The following TRMO variants were observed in gnomAD, a reference collection of about 807,000 sequenced individuals.
The protein encoded by TRMO is tRNA methyltransferase O.
In TRMO, 30 loss-of-function variants were observed where a neutral mutation model predicts 37.2. That is an observed-to-expected ratio of 0.81 (90% CI 0.60 to 1.09). The LOEUF (loss-of-function observed/expected upper bound fraction) is 1.09, where lower values mean the gene tolerates loss of function less well. Among genes scored for constraint, TRMO ranks in the 50% least tolerant of loss-of-function variants. TRMO has a pLI of 0.00. For missense variants in TRMO, 552 were observed against 549.5 expected (o/e 1.00, Z -0.05); for synonymous variants, 239 against 199.4 (o/e 1.20, Z -1.67).
At chr9:97,922,383 C>G (rs746950691) in intron 1 of TRMO, 35 bp downstream of exon 1, 1 of 1,444,914 alleles carries the variant, frequency 6.9e-7, no homozygotes, top group South Asian at 1.2e-5. Flanking sequence ...GCCTAAACCT[C>G]TCCAGAGTGT....
the TRMO span, among the ~76,000 whole-genome samples, chr9:97,896,903 A>G: frequency 6.6e-6 from 1 of 152,214 alleles, no homozygotes; most frequent in African/African-American, 2.4e-5. Context: ...TATAAAAATA[A>G]TGCATGCTTG....
chr9:97,897,367 G>GT, the TRMO span, among the ~76,000 whole-genome samples: 1 of 152,208 alleles, frequency 6.6e-6, no homozygotes, highest in Non-Finnish European at 1.5e-5. Context: ...CAGATTGTGA[G>GT]TATGTTCAGC....
chr9:97,906,430 AG>A (rs2131514797), intron 4 of TRMO, among the ~76,000 whole-genome samples: 1 of 152,226 alleles, frequency 6.6e-6, no homozygotes, highest in East Asian at 1.9e-4. Flanking sequence ...CTCCTCTCAG[AG>A]TGCCCACAGC....
chr9:97,915,095 T>G (rs1430020997), intron 2 of TRMO, among the ~76,000 whole-genome samples: 1 of 152,250 alleles, frequency 6.6e-6, no homozygotes, highest in Non-Finnish European at 1.5e-5. Flanking sequence ...AATATACACT[T>G]AATTTTTAGG....
rs1564116306 is a variant in TRMO, at chr9:97,922,399, C to G, written c.76+19G>C. 6.6e-7 allele frequency: 1 copy of G among 1,525,164 alleles called. No individual in the cohort carries two copies. The highest frequency in any genetic ancestry group is 1.2e-5 in the South Asian group (1 of 84,640). 94.5% of individuals were successfully genotyped at this position (1,525,164 alleles called of 1,614,324 possible). A position where few individuals can be genotyped will look rare whatever the true frequency, so the allele number is the denominator to read the frequency against. On this transcript the variant is annotated intron_variant, in intron 1 of 4. Transcript: ENST00000375119. ...CCTAAACCTCTCCAGAGTGTGGCAC[C>G]GCCGGTGTTGGAAGTTACCTGTCTC...
intron 1 of TRMO, among the ~76,000 whole-genome samples, chr9:97,916,850 C>T (rs1019048318): frequency 2.6e-5 from 4 of 151,050 alleles, no homozygotes; most frequent in African/African-American, 9.7e-5. Context: ...GGATTACAGG[C>T]GCCCACCACC....
At position 97,904,939 on chromosome 9, in the gene TRMO, C is replaced by T; in HGVS notation, c.1120G>A (p.Ala374Thr). ...TCCGCTGACAGCACAGCCTCAATGG[C>T]ACGCTTTGCTTCCTCTGCTGACTGA... ...YFQSAEEAKRAIEAVLSADPR... is the reference protein window; with the variant it reads ...YFQSAEEAKRTIEAVLSADPR... Residue 374 changes from alanine to threonine, a missense_variant, in exon 5 of 5, where the codon GCC becomes ACC. Transcript: ENST00000375119. 6.2e-7 allele frequency: 1 copy of T among 1,614,190 alleles called. No homozygotes were observed. Among genetic ancestry groups the T allele is most frequent in the Non-Finnish European group, 8.5e-7 (1 of 1,180,024 alleles).
rs376128350 is a variant in TRMO, at chr9:97,922,453, G to C, written c.41C>G (p.Thr14Ser). 2 of 1,588,446 alleles carry C rather than the reference G, an allele frequency of 1.3e-6. No individual in the cohort carries two copies. The highest frequency in any genetic ancestry group is 1.3e-5 in the African/African-American group (1 of 74,782). ...AGCCGGCTTAACGCAGCCGCACGGGGTCGCTGTAGGCCGAGGCCCCGACTC... is the reference window on the plus strand; with the variant it reads ...AGCCGGCTTAACGCAGCCGCACGGGCTCGCTGTAGGCCGAGGCCCCGACTC... The part of the protein sequence containing the change: ...LEESGPRPTA[T>S]PCGCVKPALE... The change falls in exon 1 of 5, where the codon ACC (threonine) becomes AGC (serine). Residue 14 changes from threonine to serine, a missense_variant. By Grantham distance (58) the Thr-to-Ser change is moderately conservative. Transcript: ENST00000375119.
At chr9:97,902,395 G>A (rs759605119), downstream of TRMO, among the ~76,000 whole-genome samples, 13 of 152,182 alleles carry the variant, frequency 8.5e-5, no homozygotes, top group Non-Finnish European at 1.5e-4. Context: ...CTGCCTCCCA[G>A]GTTCAAGCGA....
intron 1 of TRMO, among the ~76,000 whole-genome samples, chr9:97,921,471 C>T (rs10984373): frequency 0.32 from 47,912 of 150,766 alleles, 8,132 homozygotes; most frequent in Non-Finnish European, 0.37. Context: ...TCGCCCAGGC[C>T]GGAGTGCAGT....
At chr9:97,907,255 C>G (rs1216230599) in intron 4 of TRMO, among the ~76,000 whole-genome samples, 4 of 152,176 alleles carry the variant, frequency 2.6e-5, no homozygotes, top group Non-Finnish European at 5.9e-5. Context: ...GTTCCTGGGC[C>G]CTGGCAGGTG....
chr9:97,905,915 G>A (rs1040585070), intron 4 of TRMO, among the ~76,000 whole-genome samples: 6 of 152,138 alleles, frequency 3.9e-5, no homozygotes, highest in Non-Finnish European at 7.4e-5. Context: ...CAGCACTTTG[G>A]GAGGCCAAGG....
chr9:97,905,657 A>T (rs562280331), intron 4 of TRMO, among the ~76,000 whole-genome samples: 4 of 152,210 alleles, frequency 2.6e-5, no homozygotes, highest in Non-Finnish European at 5.9e-5. Context: ...CATAACTACA[A>T]CATCACATAC....
intron 2 of TRMO, among the ~76,000 whole-genome samples, 183 bp from the exon 3 acceptor site, chr9:97,913,741 G>A (rs1826234003): frequency 6.6e-6 from 1 of 152,190 alleles, no homozygotes; most frequent in African/African-American, 2.4e-5. Context: ...TAAAGGAAGA[G>A]ACAGAATCTC....
intron 3 of TRMO, chr9:97,912,431 C>T (rs1432448748): frequency 6.4e-6 from 1 of 156,024 alleles, no homozygotes; most frequent in African/African-American, 2.4e-5. Flanking sequence ...TCTTCTAGTA[C>T]TTGCTATCCA....
chr9:97,908,394 A>G (rs908393722), intron 4 of TRMO, among the ~76,000 whole-genome samples: 1 of 145,338 alleles, frequency 6.9e-6, no homozygotes, highest in African/African-American at 2.6e-5. Context: ...CCTGGGCGAC[A>G]GAGCGAGACT....
intron 4 of TRMO, among the ~76,000 whole-genome samples, chr9:97,905,427 C>G (rs186926312): frequency 6.6e-6 from 1 of 152,178 alleles, no homozygotes; most frequent in African/African-American, 2.4e-5. Context: ...TAAACCCACA[C>G]ACACCCAGAA....
the TRMO span, among the ~76,000 whole-genome samples, chr9:97,897,295 G>A: frequency 2.0e-5 from 3 of 152,298 alleles, no homozygotes; most frequent in Non-Finnish European, 2.9e-5. Flanking sequence ...AACTCACAAC[G>A]AGTTTCAGAG....
chr9:97,922,297 T>C, intron 1 of TRMO, 121 bp downstream of exon 1: 1 of 694,298 alleles, frequency 1.4e-6, no homozygotes, highest in East Asian at 2.8e-5. Context: ...GCCTTCGCCG[T>C]AGGTAAAAGA....
Sources: allele counts gnomAD v4.1 joint callset (sites outside exome capture counted in the v4.1 genomes callset), GRCh38; gene constraint gnomAD v4.1.1; transcripts MANE v1.5; gene names NCBI Gene and HGNC (gene_info 2026-07-23, HGNC 2026-07-21).